CFAP36: variants seen among roughly 807,000 people sequenced by gnomAD.
CFAP36 encodes cilia- and flagella-associated protein 36.
CFAP36 carries 37 observed loss-of-function variants against 50.5 expected under a neutral mutation model. That is an observed-to-expected ratio of 0.73 (90% confidence interval 0.56 to 0.96). CFAP36 has a LOEUF of 0.96. Ranked by LOEUF, CFAP36 falls within the 50% of genes least tolerant of loss-of-function variation. The probability of loss-of-function intolerance (pLI) is 0.00; values close to 1 mark genes in which losing one functional copy is unlikely to be tolerated. For synonymous variants in CFAP36, 138 were observed against 128.2 expected (o/e 1.08, Z -0.52); for missense variants, 407 against 396.2 (o/e 1.03, Z -0.23).
At chr2:55,524,402 C>T (rs916918414) in intron 3 of CFAP36, among the ~76,000 whole-genome samples, 1 of 150,720 alleles carries the variant, frequency 6.6e-6, no homozygotes, top group African/African-American at 2.4e-5. Context: ...CTACAGGTGC[C>T]GCACCAGCAC....
At chr2:55,540,145 TATTA>T (rs1214989971) in intron 7 of CFAP36, among the ~76,000 whole-genome samples, 1 of 152,216 alleles carries the variant, frequency 6.6e-6, no homozygotes. Context: ...AAGTTCAGCT[TATTA>T]ATTATGTCTT....
At chr2:55,534,449 G>T in intron 5 of CFAP36, among the ~76,000 whole-genome samples, 1 of 152,276 alleles carries the variant, frequency 6.6e-6, no homozygotes. Flanking sequence ...GTATCTTGCC[G>T]GTCTCCTTGT....
intron 2 of CFAP36, 98 bp downstream of exon 2, chr2:55,522,264 A>T (rs893982331): frequency 1.5e-6 from 1 of 653,160 alleles, no homozygotes. Flanking sequence ...AAAAATCCTT[A>T]ATTTTACAAA....
At chr2:55,519,937 C>G in intron 1 of CFAP36, 21 bp downstream of exon 1, 1 of 1,608,116 alleles carries the variant, frequency 6.2e-7, no homozygotes. Context: ...GAGCCCGAAC[C>G]GACAATCCTT....
intron 4 of CFAP36, chr2:55,531,399 A>G (rs1306547245): frequency 6.6e-6 from 1 of 152,214 alleles, no homozygotes; most frequent in Non-Finnish European, 1.5e-5. Context: ...AAGGGAATAA[A>G]TATATATCTT....
chr2:55,533,711 AT>A, intron 4 of CFAP36, among the ~76,000 whole-genome samples, 161 bp from the exon 5 acceptor site: 1 of 135,012 alleles, frequency 7.4e-6, no homozygotes, highest in Non-Finnish European at 1.7e-5. Context: ...AAAAAAAAAT[AT>A]ATATATATAT....
At chr2:55,543,625 T>TTATA (rs1406396477) in intron 7 of CFAP36, among the ~76,000 whole-genome samples, 1 of 152,130 alleles carries the variant, frequency 6.6e-6, no homozygotes, top group Non-Finnish European at 1.5e-5. Flanking sequence ...CAATCTTATA[T>TTATA]TATAGTGTAG....
At chr2:55,523,481 G>A (rs1574611772) in intron 2 of CFAP36, among the ~76,000 whole-genome samples, 1 of 152,032 alleles carries the variant, frequency 6.6e-6, no homozygotes, top group African/African-American at 2.4e-5. Context: ...GTACCACATT[G>A]AACTTCATAA....
chr2:55,525,134 T>C (rs1024104178), intron 3 of CFAP36, among the ~76,000 whole-genome samples: 5 of 152,126 alleles, frequency 3.3e-5, no homozygotes, highest in Admixed American at 3.3e-4. Flanking sequence ...TTGGGATATG[T>C]TGCTACTACC....
At chr2:55,533,704 A>ATATAT (rs1380133832) in intron 4 of CFAP36, among the ~76,000 whole-genome samples, 169 bp from the exon 5 acceptor site, 1 of 114,858 alleles carries the variant, frequency 8.7e-6, no homozygotes, top group Non-Finnish European at 2.1e-5. Context: ...CAAAAAAAAA[A>ATATAT]AAAAATATAT....
intron 3 of CFAP36, among the ~76,000 whole-genome samples, chr2:55,527,323 C>T (rs1684234525): frequency 6.6e-6 from 1 of 151,970 alleles, no homozygotes; most frequent in Admixed American, 6.5e-5. Context: ...TGGCTCATGC[C>T]TGTAATCCCA....
chr2:55,533,069 C>A (rs908003555), intron 4 of CFAP36, among the ~76,000 whole-genome samples: 1 of 152,206 alleles, frequency 6.6e-6, no homozygotes, highest in Non-Finnish European at 1.5e-5. Flanking sequence ...GGTTTTATTA[C>A]ACATAGTAAG....
At chr2:55,537,375 GAA>G in intron 6 of CFAP36, 106 bp from the exon 7 acceptor site, 6 of 704,722 alleles carry the variant, frequency 8.5e-6, no homozygotes, top group Admixed American at 3.1e-5. Flanking sequence ...TGTCTCAAAA[GAA>G]AAAAAAAAGA....
At chr2:55,539,292 C>T (rs1684572863) in intron 7 of CFAP36, 1 of 152,492 alleles carries the variant, frequency 6.6e-6, no homozygotes, top group African/African-American at 2.4e-5. Flanking sequence ...ACCTCCTAGC[C>T]CATGGCAACC....
intron 7 of CFAP36, chr2:55,539,684 TAAGA>T (rs973843402): frequency 5.8e-4 from 89 of 152,382 alleles, no homozygotes; most frequent in African/African-American, 2.1e-3. Flanking sequence ...TTTAGTTTTG[TAAGA>T]AAGTGCCAAA....
Position 55,544,962 on chromosome 2 carries a change from G to A in CFAP36, c.983G>A (p.Arg328Lys). 6.2e-7 allele frequency: 1 copy of A among 1,606,012 alleles called. No homozygotes were observed. The highest frequency in any genetic ancestry group is 8.5e-7 in the Non-Finnish European group (1 of 1,177,174). Residue 328 changes from arginine (R) to lysine (K), a missense_variant, in exon 10 of 10, where the codon AGG (arginine) becomes AAG (lysine). Coordinates refer to ENST00000349456, the MANE Select transcript of CFAP36 (RefSeq NM_080667.7). ...GAGGAGAAGCAAACATTACTAAAGA[G>A]GAGATTGCTTGCAGAGAAACTCAAA... Reference protein sequence around the residue: ...TAEEKQTLLKRRLLAEKLKEE... With the variant: ...TAEEKQTLLKKRLLAEKLKEE...
chr2:55,522,116 GAAGA>G lies in CFAP36; in HGVS notation c.134_137del (p.Glu45AlafsTer3). ...TTTAAATTTAGTTTTTGATGATGAAGAAGAAAGCAAATTGACCTATACAGAGATT... is the reference window on the plus strand; with the variant it reads ...TTTAAATTTAGTTTTTGATGATGAAGAAGCAAATTGACCTATACAGAGATT... On this transcript the variant is annotated frameshift_variant, in exon 2 of 10. Coordinates refer to ENST00000349456, the MANE Select transcript of CFAP36 (RefSeq NM_080667.7). LOFTEE classifies it high-confidence loss of function. 1 of 1,519,130 alleles carries G rather than the reference GAAGA, an allele frequency of 6.6e-7. No homozygotes were observed. Among genetic ancestry groups the G allele is most frequent in the Non-Finnish European group, 9.0e-7 (1 of 1,108,978 alleles). The allele number at this position is 1,519,130 out of a possible 1,614,324, so 94.1% of individuals were successfully genotyped here.
intron 7 of CFAP36, among the ~76,000 whole-genome samples, chr2:55,538,405 C>T (rs1684548815): frequency 6.6e-6 from 1 of 150,684 alleles, no homozygotes; most frequent in Non-Finnish European, 1.5e-5. Flanking sequence ...AGTGATTCTC[C>T]TGCCTTAGCC....
Position 55,529,008 on chromosome 2 carries a change from T to C in CFAP36, c.397+16T>C, listed in dbSNP as rs1310070469. ...GAGAGAAATGGTAAAATGTTGAAGT[T>C]AGAAATCTAAGTACTAAATGCATTT... On this transcript the variant is annotated intron_variant, in intron 4 of 9. Transcript: ENST00000349456. 7 of 1,567,252 alleles carry C rather than the reference T, an allele frequency of 4.5e-6. No individual in the cohort carries two copies. The highest frequency in any genetic ancestry group is 6.1e-6 in the Non-Finnish European group (7 of 1,145,930).
Sources: allele counts gnomAD v4.1 joint callset (sites outside exome capture counted in the v4.1 genomes callset), GRCh38; gene constraint gnomAD v4.1.1; transcripts MANE v1.5; gene names NCBI Gene and HGNC (gene_info 2026-07-23, HGNC 2026-07-21).